Variants in PTPRT observed in about 807,000 individuals in gnomAD.
The protein encoded by PTPRT is protein tyrosine phosphatase receptor type T, also known as receptor-type tyrosine-protein phosphatase T.
Under a neutral mutation model 176.8 loss-of-function variants are expected in PTPRT, and 56 were observed. That is an observed-to-expected ratio of 0.32 (90% CI 0.26 to 0.40). PTPRT has a LOEUF of 0.40. Ranked by LOEUF, PTPRT falls within the 10% of genes least tolerant of loss-of-function variation. The probability of loss-of-function intolerance (pLI) is 1.00; values close to 1 mark genes in which losing one functional copy is unlikely to be tolerated. For missense variants in PTPRT, 1,540 were observed against 1,908.2 expected (o/e 0.81, Z 3.60); for synonymous variants, 783 against 739.0 (o/e 1.06, Z -0.96).
chr20:42,294,928 C>A (rs897178584), intron 12 of PTPRT, among the ~76,000 whole-genome samples: 5 of 151,848 alleles, frequency 3.3e-5, no homozygotes, highest in Non-Finnish European at 7.4e-5. Context: ...CCAACAAAGA[C>A]AACAGAAATG....
In PTPRT at chr20:42,399,157, T is replaced by C. The variant is rs1274786409; in HGVS notation, c.1561-46872A>G. Among the ~76,000 whole-genome samples the C allele has an allele frequency of 2.0e-5, 3 of 152,196 alleles. No individual in the cohort carries two copies. In the East Asian group the frequency reaches 5.8e-4, roughly 29 times the overall value. On this transcript the variant is annotated intron_variant, in intron 9 of 30. Coordinates refer to ENST00000373187, the MANE Select transcript of PTPRT (RefSeq NM_007050.6). ...ATTAGTCAAAAAGATTCACAGTCAG[T>C]GTGGATTTAAGGGGCTGGAGACTTA...
intron 13 of PTPRT, among the ~76,000 whole-genome samples, chr20:42,249,472 GGCAGGTCACTGGCCAC>G (rs2056513538): frequency 6.6e-6 from 1 of 152,168 alleles, no homozygotes; most frequent in African/African-American, 2.4e-5. Context: ...CAGTAGAGGA[GGCAGGTCACTGGCCAC>G]TTACTATACA....
At chr20:42,849,000 A>G (rs2078425852) in intron 2 of PTPRT, among the ~76,000 whole-genome samples, 1 of 152,172 alleles carries the variant, frequency 6.6e-6, no homozygotes, top group Admixed American at 6.5e-5. Flanking sequence ...ATAAGGTGAG[A>G]GATGAGGATC....
At chr20:42,434,359 C>T (rs896163246) in intron 9 of PTPRT, among the ~76,000 whole-genome samples, 4 of 152,126 alleles carry the variant, frequency 2.6e-5, no homozygotes, top group African/African-American at 4.8e-5. Flanking sequence ...TTATTGAACC[C>T]TATTTTGTGC....
chr20:42,187,148 A>G (rs6030036), intron 16 of PTPRT, among the ~76,000 whole-genome samples: 53,584 of 151,982 alleles, frequency 0.35, 9,745 homozygotes, highest in Admixed American at 0.39. Flanking sequence ...GGCAGCTTCT[A>G]CACACACCTC....
At chr20:43,097,685 T>G (rs2012224346) in intron 1 of PTPRT, among the ~76,000 whole-genome samples, 1 of 152,110 alleles carries the variant, frequency 6.6e-6, no homozygotes, top group Non-Finnish European at 1.5e-5. Context: ...CTCCTGACTC[T>G]CAGAATTTGA....
chr20:42,235,691 CAT>C (rs1165574127), intron 15 of PTPRT, among the ~76,000 whole-genome samples: 1 of 152,172 alleles, frequency 6.6e-6, no homozygotes, highest in Non-Finnish European at 1.5e-5. Context: ...ACACCAAACA[CAT>C]AATCCCAACC....
intron 1 of PTPRT, among the ~76,000 whole-genome samples, chr20:42,930,646 C>CT (rs1039521254): frequency 2.8e-4 from 43 of 151,120 alleles, no homozygotes; most frequent in East Asian, 1.8e-3. Flanking sequence ...CCATGCCTGG[C>CT]TTTTTTTTTA....
intron 1 of PTPRT, among the ~76,000 whole-genome samples, chr20:43,110,296 A>C (rs1339116222): frequency 1.3e-5 from 2 of 152,232 alleles, no homozygotes; most frequent in African/African-American, 2.4e-5. Context: ...CAATTAATCC[A>C]TTCATGAGGG....
chr20:42,333,976 C>T (rs1004485013), intron 11 of PTPRT, among the ~76,000 whole-genome samples: 1 of 152,144 alleles, frequency 6.6e-6, no homozygotes, highest in Non-Finnish European at 1.5e-5. Flanking sequence ...CCACCATGCC[C>T]GGCTTGAATT....
At position 42,179,172 on chromosome 20, in the gene PTPRT, G is replaced by T. The variant is rs372269743; in HGVS notation, c.2492-17630C>A. On this transcript the variant is annotated intron_variant, in intron 16 of 30. Transcript: ENST00000373187. ...ACCAAAAGAGGTAATGTCGATGAAA[G>T]AACATTTAAATATACACATATGAGA... Among the ~76,000 whole-genome samples the T allele has an allele frequency of 1.4e-4, 21 of 152,290 alleles. No homozygotes were observed. In the East Asian group the frequency reaches 2.3e-3, roughly 17 times the overall value.
chr20:42,663,346 A>G lies in PTPRT; in HGVS notation c.1153+14520T>C, dbSNP rs530751183. Among the ~76,000 whole-genome samples the G allele has an allele frequency of 8.5e-5, 13 of 152,322 alleles. No individual in the cohort carries two copies. In the South Asian group the frequency reaches 2.5e-3, roughly 29 times the overall value. ...TCTTGCCTGTTGAAAGGACTTTTAA[A>G]GTCTGAGAAAGGATGAGTTCTATGC... On this transcript the variant is annotated intron_variant, in intron 7 of 30. Transcript: ENST00000373187.
At chr20:42,411,590 G>C (rs527288640) in intron 9 of PTPRT, among the ~76,000 whole-genome samples, 2 of 148,814 alleles carry the variant, frequency 1.3e-5, no homozygotes, top group Non-Finnish European at 3.0e-5. Context: ...CAGACTGATC[G>C]AGAAAGAAAA....
intron 7 of PTPRT, among the ~76,000 whole-genome samples, chr20:42,660,623 C>T (rs2075205912): frequency 6.6e-6 from 1 of 152,150 alleles, no homozygotes; most frequent in African/African-American, 2.4e-5. Flanking sequence ...TTCTCCAGTG[C>T]ACACATTTGT....
chr20:42,817,102 A>G (rs1222732292), intron 2 of PTPRT, among the ~76,000 whole-genome samples: 3 of 152,262 alleles, frequency 2.0e-5, no homozygotes, highest in African/African-American at 7.2e-5. Flanking sequence ...AACATTTACT[A>G]TAACAGAAGC....
chr20:42,947,790 G>A (rs1209906878), intron 1 of PTPRT, among the ~76,000 whole-genome samples: 1 of 151,590 alleles, frequency 6.6e-6, no homozygotes, highest in Admixed American at 6.6e-5. Context: ...CCCACCCCAG[G>A]ACTCCCGGAA....
chr20:42,607,865 A>G (rs909879343), intron 7 of PTPRT, among the ~76,000 whole-genome samples: 1 of 152,126 alleles, frequency 6.6e-6, no homozygotes, highest in South Asian at 2.1e-4. Context: ...AGGGTCTCAC[A>G]GTGCCCACAG....
intron 9 of PTPRT, among the ~76,000 whole-genome samples, chr20:42,391,876 A>G (rs2058803010): frequency 1.3e-5 from 2 of 152,304 alleles, no homozygotes; most frequent in African/African-American, 4.8e-5. Context: ...CAAGTTAATC[A>G]TTGATGATAC....
chr20:42,352,744 G>C (rs550162967), intron 9 of PTPRT, among the ~76,000 whole-genome samples: 2 of 152,306 alleles, frequency 1.3e-5, no homozygotes, highest in South Asian at 2.1e-4. Context: ...TAACAGAGAA[G>C]ATAATTGCTT....
Sources: gnomAD v4.1 joint callset for allele counts (sites outside exome capture counted in the v4.1 genomes callset) on GRCh38, gnomAD v4.1.1 for gene constraint, MANE v1.5 for transcripts, NCBI Gene and HGNC (gene_info 2026-07-23, HGNC 2026-07-21) for gene names.